The following CCDC141 variants were observed in gnomAD, a reference collection of about 807,000 sequenced individuals.
CCDC141 encodes coiled-coil domain-containing protein 141.
Under a neutral mutation model 181.0 loss-of-function variants are expected in CCDC141, and 168 were observed. The observed-to-expected ratio is 0.93, with a 90% confidence interval of 0.82 to 1.05. CCDC141 has a LOEUF of 1.05. CCDC141 is among the 50% of genes least tolerant of loss of function. The pLI, the probability that CCDC141 is intolerant of heterozygous loss-of-function variation, is 0.00. For synonymous variants in CCDC141, 666 were observed against 642.3 expected (o/e 1.04, Z -0.56); for missense variants, 1,902 against 1,788.5 (o/e 1.06, Z -1.14).
chr2:178,957,612 G>A (rs1478738120), intron 5 of CCDC141, among the ~76,000 whole-genome samples: 3 of 152,224 alleles, frequency 2.0e-5, no homozygotes, highest in Non-Finnish European at 4.4e-5. Context: ...ATAAAAAGCT[G>A]CACATGGATG....
chr2:178,904,467 A>C (rs1410025543), intron 8 of CCDC141, among the ~76,000 whole-genome samples: 1 of 152,190 alleles, frequency 6.6e-6, no homozygotes, highest in Non-Finnish European at 1.5e-5. Context: ...TTTAAACAGA[A>C]ATAAAATGAT....
At chr2:179,016,559 C>T (rs539082992) in intron 2 of CCDC141, among the ~76,000 whole-genome samples, 6 of 152,084 alleles carry the variant, frequency 3.9e-5, no homozygotes, top group Non-Finnish European at 5.9e-5. Context: ...ACAGGAGTCA[C>T]GTCATAATCA....
chr2:178,816,881 C>A, the CCDC141 span, among the ~76,000 whole-genome samples: 1 of 152,056 alleles, frequency 6.6e-6, no homozygotes, highest in Non-Finnish European at 1.5e-5. Flanking sequence ...AGGCTCATTC[C>A]CTGAGTAAAT....
chr2:179,040,863 A>G (rs1236313690), intron 2 of CCDC141, among the ~76,000 whole-genome samples: 1 of 152,212 alleles, frequency 6.6e-6, no homozygotes, highest in African/African-American at 2.4e-5. Flanking sequence ...ATATAACTTT[A>G]TAACAGAATG....
At chr2:178,951,378 T>C (rs1689946501) in intron 5 of CCDC141, among the ~76,000 whole-genome samples, 1 of 152,242 alleles carries the variant, frequency 6.6e-6, no homozygotes, top group South Asian at 2.1e-4. Flanking sequence ...TTCCAGTTCC[T>C]AGGTCAGGCA....
At chr2:178,901,097 A>C (rs1319110242) in intron 8 of CCDC141, among the ~76,000 whole-genome samples, 2 of 152,138 alleles carry the variant, frequency 1.3e-5, no homozygotes, top group African/African-American at 2.4e-5. Flanking sequence ...GATAGGAAGG[A>C]GTAACCCATA....
chr2:178,865,716 G>A (rs752189665), intron 17 of CCDC141, 51 bp downstream of exon 17: 1 of 1,409,442 alleles, frequency 7.1e-7, no homozygotes, highest in Non-Finnish European at 9.3e-7. Flanking sequence ...CATGCTTTAG[G>A]TTCAAACAGC....
At chr2:178,857,866 A>T (rs1685452334) in intron 17 of CCDC141, among the ~76,000 whole-genome samples, 1 of 152,202 alleles carries the variant, frequency 6.6e-6, no homozygotes, top group Admixed American at 6.5e-5. Flanking sequence ...ATGCAGAAAA[A>T]TATACTTGCC....
intron 2 of CCDC141, among the ~76,000 whole-genome samples, chr2:179,038,141 A>T (rs1264116363): frequency 1.3e-5 from 2 of 152,252 alleles, no homozygotes; most frequent in Non-Finnish European, 2.9e-5. Flanking sequence ...ATGAATAAAC[A>T]AAATGTAGCA....
intron 4 of CCDC141, among the ~76,000 whole-genome samples, chr2:178,970,947 C>A (rs566093832): frequency 6.6e-6 from 1 of 152,178 alleles, no homozygotes; most frequent in Non-Finnish European, 1.5e-5. Context: ...CAGTGGCTCA[C>A]GCCTGTAATC....
intron 2 of CCDC141, among the ~76,000 whole-genome samples, chr2:178,990,126 C>T (rs146882093): frequency 3.2e-4 from 39 of 123,346 alleles, no homozygotes; most frequent in African/African-American, 1.2e-3. Flanking sequence ...ACAACAAGAG[C>T]GAAATTCCAT....
At chr2:178,934,837 T>C (rs1689224879) in intron 6 of CCDC141, among the ~76,000 whole-genome samples, 1 of 152,196 alleles carries the variant, frequency 6.6e-6, no homozygotes, top group African/African-American at 2.4e-5. Flanking sequence ...GCTTCACTAA[T>C]GAATCCTCAG....
chr2:178,902,371 G>C lies in CCDC141; in HGVS notation c.1265+2958C>G, dbSNP rs147641232. Among the ~76,000 whole-genome samples, 721 of 152,276 alleles carry C rather than the reference G, an allele frequency of 4.7e-3. 1 individual carries two copies. Among genetic ancestry groups the C allele is most frequent in the African/African-American group, 0.017 (703 of 41,548 alleles). The stretch of plus-strand genomic sequence containing the variant: ...CTTCAAACTATACTACAAGTCTACA[G>C]TAACCAAAACAGCATTTTACTGGTA... On this transcript the variant is annotated intron_variant, in intron 8 of 23. Coordinates refer to ENST00000443758, the MANE Select transcript of CCDC141 (RefSeq NM_173648.4).
chr2:178,856,250 T>C lies in CCDC141; in HGVS notation c.2865+7A>G. The C allele has an allele frequency of 1.2e-6, 2 of 1,602,664 alleles. No homozygotes were observed. Among genetic ancestry groups the C allele is most frequent in the Non-Finnish European group, 8.5e-7 (1 of 1,174,976 alleles). On this transcript the variant is annotated splice_region_variant and intron_variant, in intron 18 of 23. Coordinates refer to ENST00000443758, the MANE Select transcript of CCDC141 (RefSeq NM_173648.4). ...GCGCACATATACAAACCATACTTTC[T>C]TGTTACCTGCATTTTTTCAGCATAC... is the stretch of plus-strand genomic sequence containing the variant.
intron 2 of CCDC141, among the ~76,000 whole-genome samples, chr2:179,030,042 T>C (rs2042960341): frequency 6.6e-6 from 1 of 152,136 alleles, no homozygotes. Flanking sequence ...CTAAGCACAA[T>C]ACATTAAATG....
At chr2:178,983,056 A>G (rs946131283) in intron 2 of CCDC141, among the ~76,000 whole-genome samples, 17 of 152,192 alleles carry the variant, frequency 1.1e-4, no homozygotes, top group Non-Finnish European at 2.2e-4. Flanking sequence ...TGCAGACTTA[A>G]ATGTCCCTGT....
chr2:179,022,949 C>T (rs916723353), intron 2 of CCDC141, among the ~76,000 whole-genome samples: 29 of 152,164 alleles, frequency 1.9e-4, no homozygotes, highest in African/African-American at 5.3e-4. Context: ...TGAGAAGTGA[C>T]GCGTACCATC....
chr2:178,894,151 CTTCTGGTTTCCT>C (rs1687297380), intron 8 of CCDC141, among the ~76,000 whole-genome samples: 1 of 152,174 alleles, frequency 6.6e-6, no homozygotes, highest in Non-Finnish European at 1.5e-5. Flanking sequence ...CTCAAGCCCT[CTTCTGGTTTCCT>C]GACTGCATCT....
chr2:179,040,612 C>T (rs1425840125), intron 2 of CCDC141, among the ~76,000 whole-genome samples: 4 of 152,178 alleles, frequency 2.6e-5, no homozygotes, highest in East Asian at 1.9e-4. Flanking sequence ...TCAGCTCCCC[C>T]TTATAAGTGA....
Sources: gnomAD v4.1 joint callset for allele counts (sites outside exome capture counted in the v4.1 genomes callset) on GRCh38, gnomAD v4.1.1 for gene constraint, MANE v1.5 for transcripts, NCBI Gene and HGNC (gene_info 2026-07-23, HGNC 2026-07-21) for gene names.